APBB2: variants seen among roughly 807,000 people sequenced by gnomAD.
APBB2 encodes amyloid beta precursor protein binding family B member 2, also known as Fe65-like 1.
APBB2 carries 38 observed loss-of-function variants against 82.5 expected under a neutral mutation model. The observed-to-expected ratio is 0.46, with a 90% CI of 0.36 to 0.60. The LOEUF is 0.60. Ranked by LOEUF, APBB2 falls within the 20% of genes least tolerant of loss-of-function variation. The probability of loss-of-function intolerance (pLI) is 0.00; values close to 1 mark genes in which losing one functional copy is unlikely to be tolerated. For missense variants in APBB2, 772 were observed against 972.3 expected (o/e 0.79, Z 2.74); for synonymous variants, 341 against 368.2 (o/e 0.93, Z 0.85).
intron 3 of APBB2, among the ~76,000 whole-genome samples, chr4:41,080,317 G>A (rs1360150880): frequency 6.6e-6 from 1 of 152,182 alleles, no homozygotes; most frequent in Non-Finnish European, 1.5e-5. Flanking sequence ...GACAAAGCTA[G>A]AAGTTAAGAT....
chr4:40,834,404 G>A (rs768169012), intron 12 of APBB2, among the ~76,000 whole-genome samples: 3 of 152,180 alleles, frequency 2.0e-5, no homozygotes, highest in Admixed American at 6.5e-5. Flanking sequence ...CCAGTGGAGC[G>A]ACTTCATCTA....
At chr4:40,951,203 G>T (rs1470912313) in intron 6 of APBB2, among the ~76,000 whole-genome samples, 5 of 152,148 alleles carry the variant, frequency 3.3e-5, no homozygotes, top group African/African-American at 1.2e-4. Flanking sequence ...TCACTGGGCT[G>T]GCAGGACCAT....
At chr4:41,079,806 C>A (rs1468072273) in intron 3 of APBB2, among the ~76,000 whole-genome samples, 2 of 152,148 alleles carry the variant, frequency 1.3e-5, no homozygotes, top group East Asian at 3.9e-4. Context: ...CTTGGCCTCC[C>A]AAAGTGCTGG....
At chr4:41,073,185 G>A (rs995999248) in intron 3 of APBB2, among the ~76,000 whole-genome samples, 3 of 151,688 alleles carry the variant, frequency 2.0e-5, no homozygotes, top group Admixed American at 6.6e-5. Context: ...CATTCTTCTC[G>A]GCTAAAAAAT....
chr4:41,028,349 C>T lies in APBB2; in HGVS notation c.19+4887G>A, dbSNP rs185040772. ...GGCACAGCCAATCACAGTAGCAAATCCCCAGGGCTCTAGTGGCTGGTTCAA... is the reference window on the plus strand; with the variant it reads ...GGCACAGCCAATCACAGTAGCAAATTCCCAGGGCTCTAGTGGCTGGTTCAA... On this transcript the variant is annotated intron_variant, in intron 5 of 17. Transcript: ENST00000508593. Among the ~76,000 whole-genome samples the T allele has an allele frequency of 5.4e-3, 819 of 152,336 alleles. 4 individuals are homozygous for T. Among genetic ancestry groups the T allele is most frequent in the Non-Finnish European group, 8.0e-3 (544 of 68,036 alleles).
Position 40,854,544 on chromosome 4 carries a change from T to C in APBB2, c.1530-23967A>G, listed in dbSNP as rs778585639. Among the ~76,000 whole-genome samples, 14 of 152,176 alleles carry C rather than the reference T, an allele frequency of 9.2e-5. No individual in the cohort carries two copies. The South Asian group carries it at 1.5e-3, about 16-fold the overall frequency. ...GCTCACGCCTGTAATCCCAGCACTT[T>C]GGGAGGCCGAGATGGACAGATAAGC... On this transcript the variant is annotated intron_variant, in intron 12 of 17. Transcript: ENST00000508593.
At chr4:40,860,801 T>A (rs561095878) in intron 12 of APBB2, among the ~76,000 whole-genome samples, 2 of 152,228 alleles carry the variant, frequency 1.3e-5, no homozygotes, top group Non-Finnish European at 2.9e-5. Context: ...TTTTTTTATA[T>A]GACCAGGTAA....
At chr4:40,975,112 T>C (rs978276489) in intron 6 of APBB2, among the ~76,000 whole-genome samples, 4 of 152,168 alleles carry the variant, frequency 2.6e-5, no homozygotes, top group Non-Finnish European at 4.4e-5. Context: ...TATCACTCCC[T>C]AATACCAGAG....
chr4:41,013,504 A>C (rs771042226), intron 6 of APBB2, 79 bp downstream of exon 6: 102 of 1,344,968 alleles, frequency 7.6e-5, no homozygotes, highest in Non-Finnish European at 9.4e-5. Context: ...ATTTTTGGTC[A>C]GTCTAGAGAT....
intron 1 of APBB2, among the ~76,000 whole-genome samples, chr4:41,190,987 T>C (rs1011312896): frequency 3.9e-5 from 6 of 152,196 alleles, no homozygotes; most frequent in African/African-American, 1.4e-4. Flanking sequence ...TCATTTCCCA[T>C]GTGGACCATG....
In APBB2 at chr4:40,890,510, A is replaced by C; in HGVS notation, c.1402-19T>G. On this transcript the variant is annotated intron_variant, in intron 11 of 17. Coordinates refer to ENST00000508593, the MANE Select transcript of APBB2 (RefSeq NM_004307.2). ...CTTTCCCCTGGGACACAACGAGAAA[A>C]CACGCTGTCTTCTTCATGCAGGCTG... 1 of 1,612,882 alleles carries C rather than the reference A, an allele frequency of 6.2e-7. No homozygotes were observed. Among genetic ancestry groups the C allele is most frequent in the African/African-American group, 1.3e-5 (1 of 74,862 alleles).
chr4:40,897,307 G>A (rs1773936947), intron 10 of APBB2, among the ~76,000 whole-genome samples: 2 of 152,100 alleles, frequency 1.3e-5, no homozygotes, highest in East Asian at 1.9e-4. Flanking sequence ...AGTTCGAGAC[G>A]AGCCTGGCCA....
intron 1 of APBB2, chr4:41,177,575 C>T (rs569505897): frequency 1.3e-5 from 2 of 152,230 alleles, no homozygotes; most frequent in Admixed American, 6.5e-5. Flanking sequence ...TTCGTTCATA[C>T]AATATTAAAT....
intron 10 of APBB2, among the ~76,000 whole-genome samples, chr4:40,914,109 A>G (rs549301972): frequency 6.6e-6 from 1 of 152,098 alleles, no homozygotes; most frequent in African/African-American, 2.4e-5. Flanking sequence ...GGTGGCTCAC[A>G]CCTGTAATCC....
chr4:41,004,705 C>T lies in APBB2; in HGVS notation c.835+8878G>A, dbSNP rs554282294. ...CAAAAAAATTAGCTGGGCGTGGTGG[C>T]GGGTGTCTGTAGTCCTAGCTACTCG... On this transcript the variant is annotated intron_variant, in intron 6 of 17. Transcript: ENST00000508593. Among the ~76,000 whole-genome samples the T allele has an allele frequency of 5.9e-4, 90 of 151,574 alleles. No individual in the cohort carries two copies. The South Asian group carries it at 0.019, about 31-fold the overall frequency.
At chr4:40,872,261 G>A (rs940455565) in intron 12 of APBB2, among the ~76,000 whole-genome samples, 1 of 152,186 alleles carries the variant, frequency 6.6e-6, no homozygotes, top group African/African-American at 2.4e-5. Flanking sequence ...ACCCACCATG[G>A]ACTTTTAGCA....
At chr4:40,843,960 C>T (rs1756740446) in intron 12 of APBB2, among the ~76,000 whole-genome samples, 1 of 152,174 alleles carries the variant, frequency 6.6e-6, no homozygotes, top group South Asian at 2.1e-4. Context: ...CCTGCAGAGC[C>T]CCCTAATGGT....
intron 6 of APBB2, among the ~76,000 whole-genome samples, chr4:40,975,486 A>G (rs1796926056): frequency 6.6e-6 from 1 of 152,160 alleles, no homozygotes; most frequent in Non-Finnish European, 1.5e-5. Context: ...GACTTCTGCA[A>G]TAGAATTTCA....
At chr4:40,962,398 A>C (rs1793521656) in intron 6 of APBB2, among the ~76,000 whole-genome samples, 2 of 152,236 alleles carry the variant, frequency 1.3e-5, no homozygotes, top group South Asian at 4.1e-4. Flanking sequence ...CTTTCTGTAA[A>C]GATGAGAACA....
Sources: allele counts gnomAD v4.1 joint callset (sites outside exome capture counted in the v4.1 genomes callset), GRCh38; gene constraint gnomAD v4.1.1; transcripts MANE v1.5; gene names NCBI Gene and HGNC (gene_info 2026-07-23, HGNC 2026-07-21).